Variants in RARB observed in about 807,000 individuals in gnomAD.
The protein encoded by RARB is HBV-activated protein.
A neutral mutation model predicts 51.9 loss-of-function variants in RARB; 17 were observed. That is an observed-to-expected ratio of 0.33 (90% CI 0.22 to 0.49). RARB has a LOEUF of 0.49. RARB is among the 20% of genes least tolerant of loss of function. The pLI, the probability that RARB is intolerant of heterozygous loss-of-function variation, is 0.99. For synonymous variants in RARB, 215 were observed against 195.4 expected, an observed-to-expected ratio of 1.10 and a Z score of -0.84; for missense variants, 369 against 550.8, an observed-to-expected ratio of 0.67 and a Z score of 3.30.
rs987762262 is a variant in RARB, at chr3:25,071,285, G to C, written c.-328+11109G>C. 2.6e-5 allele frequency among the ~76,000 whole-genome samples: 4 copies of C among 152,178 alleles called. No homozygotes were observed. In the East Asian group the frequency reaches 7.7e-4, roughly 29 times the overall value. The stretch of plus-strand genomic sequence containing the variant: ...AACCCAAATCATACCAGGGAAGACA[G>C]GGTGCTAGCTGATTTTGATAATCAC... On this transcript the variant is annotated intron_variant, in intron 3 of 11. Coordinates refer to the RARB transcript ENST00000383772.
rs760956332 is a variant in RARB at position 25,461,246 on chromosome 3, C to G, written c.211C>G (p.Pro71Ala). The change falls in exon 2 of 8, where the codon CCA becomes GCA. Residue 71 changes from proline to alanine, a missense_variant. This residue lies in a region of RARB where 99 missense variants were observed against 95.1 expected (regional missense o/e 1.04). Transcript: ENST00000330688. The stretch of plus-strand genomic sequence containing the variant: ...GGAACTCGTCCCAAGCCCCCCATCT[C>G]CACTTCCTCCCCCTCGAGTGTACAA... ...SEELVPSPPS[P>A]LPPPRVYKPC... The G allele has an allele frequency of 1.2e-5, 19 of 1,614,098 alleles. 1 individual carries two copies. In the South Asian group the frequency reaches 2.1e-4, roughly 18 times the overall value.
chr3:25,419,698 C>T (rs1397444382), intron 5 of RARB, among the ~76,000 whole-genome samples: 1 of 152,190 alleles, frequency 6.6e-6, no homozygotes, highest in African/African-American at 2.4e-5. Context: ...GTGTGAAGCC[C>T]TGGAAGCACC....
At chr3:25,398,733 A>G (rs1257058589) in intron 5 of RARB, among the ~76,000 whole-genome samples, 1 of 152,238 alleles carries the variant, frequency 6.6e-6, no homozygotes, top group Non-Finnish European at 1.5e-5. Flanking sequence ...CACATTGTAC[A>G]TTCTACCATA....
At chr3:25,352,466 A>G (rs1416710778) in intron 5 of RARB, 1 of 152,190 alleles carries the variant, frequency 6.6e-6, no homozygotes, top group East Asian at 1.9e-4. Context: ...AAGCAAGTTT[A>G]AAACCATTTG....
intron 4 of RARB, among the ~76,000 whole-genome samples, chr3:25,163,994 T>A (rs906917379): frequency 6.6e-6 from 1 of 152,002 alleles, no homozygotes; most frequent in Non-Finnish European, 1.5e-5. Context: ...CCAAAGAGCT[T>A]GGTATGGTGG....
chr3:25,223,172 C>T, intron 5 of RARB, among the ~76,000 whole-genome samples: 1 of 152,114 alleles, frequency 6.6e-6, no homozygotes, highest in South Asian at 2.1e-4. Flanking sequence ...CACCAACTGG[C>T]CCCCAGCCCT....
intron 2 of RARB, among the ~76,000 whole-genome samples, chr3:24,964,623 G>T (rs77507120): frequency 8.8e-4 from 134 of 152,268 alleles, no homozygotes; most frequent in African/African-American, 3.1e-3. Context: ...GTATGTTGAT[G>T]CTTATGCATG....
In RARB at chr3:24,899,390, C is replaced by G. The variant is rs767586712; in HGVS notation, c.-380+40638C>G. Among the ~76,000 whole-genome samples, 5 of 152,286 alleles carry G rather than the reference C, an allele frequency of 3.3e-5. No homozygotes were observed. The East Asian group carries it at 9.7e-4, about 29-fold the overall frequency. ...CCTAGAATAGGTACTCAGTTATCTC[C>G]CAGCGCTTCCAGCTCCTTCAGAAAT... is the stretch of plus-strand genomic sequence containing the variant. On this transcript the variant is annotated intron_variant, in intron 2 of 11. Transcript: ENST00000383772.
At chr3:25,072,321 G>A (rs1575146753) in intron 3 of RARB, among the ~76,000 whole-genome samples, 1 of 152,176 alleles carries the variant, frequency 6.6e-6, no homozygotes, top group Non-Finnish European at 1.5e-5. Flanking sequence ...GCCAGTCACC[G>A]CCTTATGGGG....
At chr3:25,301,237 G>A (rs890812581) in intron 5 of RARB, among the ~76,000 whole-genome samples, 1 of 152,140 alleles carries the variant, frequency 6.6e-6, no homozygotes, top group African/African-American at 2.4e-5. Context: ...TATAAGTGGA[G>A]GTGCATCTGT....
chr3:25,334,317 G>A (rs1245977858), intron 5 of RARB, among the ~76,000 whole-genome samples: 3 of 152,154 alleles, frequency 2.0e-5, no homozygotes, highest in Admixed American at 1.3e-4. Context: ...AGAAAATGTG[G>A]CACATATACA....
chr3:25,279,308 G>T, intron 5 of RARB, among the ~76,000 whole-genome samples: 1 of 152,172 alleles, frequency 6.6e-6, no homozygotes, highest in East Asian at 1.9e-4. Context: ...CATCATAAAT[G>T]CCTTGAGAAC....
chr3:24,947,088 AT>A (rs1695791159), intron 2 of RARB, among the ~76,000 whole-genome samples: 1 of 152,208 alleles, frequency 6.6e-6, no homozygotes, highest in South Asian at 2.1e-4. Flanking sequence ...ATAAGACTAA[AT>A]GGGGAGAAGC....
At chr3:25,171,643 T>TAAAAAAAAAAAAAAAAAAAAAAAAA (rs770248970) in intron 4 of RARB, among the ~76,000 whole-genome samples, 1 of 45,460 alleles carries the variant, frequency 2.2e-5, no homozygotes, top group African/African-American at 8.2e-5. Flanking sequence ...CCCTGGTTGG[T>TAAAAAAAAAAAAAAAAAAAAAAAAA]AAAAAAAAAA....
chr3:25,229,846 CAA>C (rs1264391035), intron 5 of RARB, among the ~76,000 whole-genome samples: 7 of 152,068 alleles, frequency 4.6e-5, no homozygotes, highest in Non-Finnish European at 7.4e-5. Flanking sequence ...ACAGTTGTGA[CAA>C]GAGAGGTAAT....
At chr3:25,206,997 T>C (rs1347895106) in intron 5 of RARB, among the ~76,000 whole-genome samples, 1 of 152,214 alleles carries the variant, frequency 6.6e-6, no homozygotes, top group Non-Finnish European at 1.5e-5. Flanking sequence ...ACATCTGCTT[T>C]TTCCATGGTT....
chr3:25,011,687 A>G (rs771115311), intron 2 of RARB, among the ~76,000 whole-genome samples: 4 of 152,124 alleles, frequency 2.6e-5, no homozygotes, highest in African/African-American at 2.4e-5. Flanking sequence ...CTCAGCTCTT[A>G]TCTCATACCT....
chr3:25,090,707 TAAG>T (rs979040126), intron 3 of RARB, among the ~76,000 whole-genome samples: 2 of 152,140 alleles, frequency 1.3e-5, no homozygotes, highest in Non-Finnish European at 2.9e-5. Context: ...CTCATGGTAC[TAAG>T]GAGACAAAAA....
chr3:25,514,855 G>A (rs1032758288), intron 3 of RARB, among the ~76,000 whole-genome samples: 2 of 152,190 alleles, frequency 1.3e-5, no homozygotes, highest in African/African-American at 4.8e-5. Flanking sequence ...GGTAATAAGT[G>A]AAGGAGTCCC....
Sources: allele counts gnomAD v4.1 joint callset (sites outside exome capture counted in the v4.1 genomes callset), GRCh38; gene constraint gnomAD v4.1.1; regional missense constraint gnomAD v4.1.1; transcripts MANE v1.5; gene names NCBI Gene and HGNC (gene_info 2026-07-23, HGNC 2026-07-21).